Variants in CDH18 observed in about 807,000 individuals in gnomAD.
CDH18 encodes cadherin 18.
In CDH18, 31 loss-of-function variants were observed where a neutral mutation model predicts 67.9. That is an observed-to-expected ratio of 0.46 (90% CI 0.34 to 0.62). CDH18 has a LOEUF of 0.62. CDH18 is among the 20% of genes least tolerant of loss of function. The pLI is 0.01. For synonymous variants in CDH18, 362 were observed against 347.2 expected (o/e 1.04, Z -0.48); for missense variants, 890 against 975.5 (o/e 0.91, Z 1.17).
intron 1 of CDH18, among the ~76,000 whole-genome samples, chr5:20,415,729 G>A (rs769065307): frequency 1.1e-4 from 17 of 152,032 alleles, no homozygotes; most frequent in South Asian, 2.1e-4. Context: ...CTGAGATTGC[G>A]CCACTGCTCT....
intron 1 of CDH18, among the ~76,000 whole-genome samples, chr5:20,289,883 G>A (rs1746976494): frequency 6.6e-6 from 1 of 152,002 alleles, no homozygotes; most frequent in South Asian, 2.1e-4. Context: ...GTTGTAGACA[G>A]AAATATGTAG....
intron 3 of CDH18, among the ~76,000 whole-genome samples, chr5:19,763,290 G>C (rs116631122): frequency 0.022 from 3,282 of 152,266 alleles, 75 homozygotes; most frequent in African/African-American, 0.065. Flanking sequence ...ATTGTTAATG[G>C]GAGCATGGAC....
intron 9 of CDH18, among the ~76,000 whole-genome samples, chr5:19,526,974 ATTGTATT>A (rs1263839827): frequency 6.6e-6 from 1 of 151,884 alleles, no homozygotes; most frequent in Non-Finnish European, 1.5e-5. Context: ...TGGTTTATAA[ATTGTATT>A]TTTGGTCTGT....
chr5:20,478,978 C>A (rs1192513595), intron 1 of CDH18, among the ~76,000 whole-genome samples: 4 of 152,146 alleles, frequency 2.6e-5, no homozygotes, highest in African/African-American at 9.7e-5. Context: ...GGCAATTCTT[C>A]CGGATCTCAC....
chr5:19,912,554 T>A (rs545821970), intron 2 of CDH18, among the ~76,000 whole-genome samples: 1 of 152,348 alleles, frequency 6.6e-6, no homozygotes, highest in Admixed American at 6.5e-5. Flanking sequence ...GCTTCCCTTT[T>A]ATCCCATGAA....
At chr5:19,939,542 T>C (rs1794619874) in intron 2 of CDH18, among the ~76,000 whole-genome samples, 1 of 151,736 alleles carries the variant, frequency 6.6e-6, no homozygotes, top group Non-Finnish European at 1.5e-5. Flanking sequence ...TTAAGTAGAT[T>C]GAAAGTGCTG....
rs1740772681 is a variant in CDH18, at chr5:20,216,404, A to G, written c.-518+39040T>C. On this transcript the variant is annotated intron_variant, in intron 2 of 14. Transcript: ENST00000507958. ...GATATGACTGATAAACAGAGTAATTAAAAATATTACTGTTGCTTCCAAGGT... is the reference window on the plus strand; with the variant it reads ...GATATGACTGATAAACAGAGTAATTGAAAATATTACTGTTGCTTCCAAGGT... Among the ~76,000 whole-genome samples, 3 of 152,084 alleles carry G rather than the reference A, an allele frequency of 2.0e-5. No individual in the cohort carries two copies. In the South Asian group the frequency reaches 6.2e-4, roughly 32 times the overall value.
At chr5:19,507,507 A>G (rs1744391492) in intron 10 of CDH18, among the ~76,000 whole-genome samples, 1 of 152,162 alleles carries the variant, frequency 6.6e-6, no homozygotes, top group African/African-American at 2.4e-5. Flanking sequence ...AACCAACCCA[A>G]ATGTCCAACA....
intron 2 of CDH18, among the ~76,000 whole-genome samples, chr5:19,877,117 G>A (rs1264307495): frequency 6.6e-6 from 1 of 152,034 alleles, no homozygotes; most frequent in Non-Finnish European, 1.5e-5. Context: ...GTTAAGCCAC[G>A]GAGACTTGGA....
chr5:19,560,829 C>A (rs1003646185), intron 8 of CDH18, among the ~76,000 whole-genome samples: 28 of 151,762 alleles, frequency 1.8e-4, no homozygotes, highest in Admixed American at 1.8e-3. Flanking sequence ...AAAAAAATCC[C>A]ATCAAAAAGT....
chr5:19,861,371 G>T (rs1388320187), intron 2 of CDH18, among the ~76,000 whole-genome samples: 1 of 152,076 alleles, frequency 6.6e-6, no homozygotes, highest in African/African-American at 2.4e-5. Flanking sequence ...CCAGGAGCCG[G>T]GAGGAGGCTA....
intron 8 of CDH18, among the ~76,000 whole-genome samples, chr5:19,549,048 GCTT>G (rs1736864796): frequency 6.6e-6 from 1 of 152,110 alleles, no homozygotes. Flanking sequence ...TGCCTGGCCA[GCTT>G]CTTTGTTTTT....
intron 1 of CDH18, among the ~76,000 whole-genome samples, chr5:20,507,384 T>A (rs910956743): frequency 2.6e-5 from 4 of 152,210 alleles, no homozygotes; most frequent in Non-Finnish European, 5.9e-5. Flanking sequence ...AGTGGAATAA[T>A]GTTATATTAA....
intron 2 of CDH18, among the ~76,000 whole-genome samples, chr5:19,973,950 T>G (rs1366523644): frequency 3.3e-5 from 5 of 152,132 alleles, no homozygotes; most frequent in Non-Finnish European, 2.9e-5. Flanking sequence ...ATTTGCTGAT[T>G]GTCATATGAA....
rs1798831758 is a variant in CDH18 at position 19,979,527 on chromosome 5, G to C, written c.-257+1533C>G. Among the ~76,000 whole-genome samples the C allele has an allele frequency of 2.0e-5, 3 of 151,920 alleles. No homozygotes were observed. In the South Asian group the frequency reaches 6.2e-4, roughly 32 times the overall value. On this transcript the variant is annotated intron_variant, in intron 2 of 12. Transcript: ENST00000382275. ...ATTGGCTGGGGAAACTTCATATTTT[G>C]TCTACTCTTCTTTTACTATAATCAT...
chr5:20,541,896 C>A (rs1359799317), intron 1 of CDH18, among the ~76,000 whole-genome samples: 2 of 152,152 alleles, frequency 1.3e-5, no homozygotes, highest in Non-Finnish European at 2.9e-5. Flanking sequence ...CATTCATTAG[C>A]TTTACATCCC....
At chr5:20,465,426 A>G (rs756591869) in intron 1 of CDH18, among the ~76,000 whole-genome samples, 6 of 152,064 alleles carry the variant, frequency 3.9e-5, no homozygotes, top group Non-Finnish European at 7.4e-5. Context: ...AGTGATACAG[A>G]AAGTATTTTG....
At chr5:20,254,302 A>G (rs920624674) in intron 2 of CDH18, among the ~76,000 whole-genome samples, 1 of 151,952 alleles carries the variant, frequency 6.6e-6, no homozygotes, top group Non-Finnish European at 1.5e-5. Flanking sequence ...GAGTAGAGAC[A>G]GGTTTTCACA....
rs758485322 is a variant in CDH18 at position 19,503,047 on chromosome 5, G to T, written c.1575C>A (p.Phe525Leu). The change falls in exon 11 of 13, where the codon TTC becomes TTA. Residue 525 changes from phenylalanine (F) to leucine (L), a missense_variant. Phe to Leu is a conservative substitution (Grantham distance 22). Transcript: ENST00000382275. ...TTACAGGCAGGCGTTCATCAAGAAA[G>T]AAGTTAAACCTTGGTCCATTGGCAA... ...DDFANGPRFN[F>L]FLDERLPVNP... The T allele has an allele frequency of 1.2e-6, 2 of 1,612,928 alleles. No homozygotes were observed. The highest frequency in any genetic ancestry group is 1.7e-6 in the Non-Finnish European group (2 of 1,179,198).
Sources: gnomAD v4.1 joint callset for allele counts (sites outside exome capture counted in the v4.1 genomes callset) on GRCh38, gnomAD v4.1.1 for gene constraint, MANE v1.5 for transcripts, NCBI Gene and HGNC (gene_info 2026-07-23, HGNC 2026-07-21) for gene names.